The following DPYSL5 variants were observed in gnomAD, a reference collection of about 807,000 sequenced individuals.
DPYSL5 encodes dihydropyrimidinase-related protein 5.
DPYSL5 carries 9 observed loss-of-function variants against 58.4 expected under a neutral mutation model. The ratio of observed to expected loss-of-function variants is 0.15; its 90% confidence interval spans 0.09 to 0.27. The LOEUF (loss-of-function observed/expected upper bound fraction) is 0.27, where lower values mean the gene tolerates loss of function less well. DPYSL5 is among the 10% of genes least tolerant of loss of function. DPYSL5 has a pLI of 1.00. For synonymous variants in DPYSL5, 293 were observed against 301.9 expected (o/e 0.97, Z 0.31); for missense variants, 499 against 770.6 (o/e 0.65, Z 4.17).
At chr2:26,848,691 C>G (rs1488384704) in intron 1 of DPYSL5, among the ~76,000 whole-genome samples, 1 of 152,032 alleles carries the variant, frequency 6.6e-6, no homozygotes, top group Non-Finnish European at 1.5e-5. Context: ...GCGCTGTCCC[C>G]GGTCCCACAC....
rs575648160 is a variant in DPYSL5 at position 26,937,877 on chromosome 2, A to G, written c.948-2154A>G. 2.2e-3 allele frequency among the ~76,000 whole-genome samples: 337 copies of G among 151,892 alleles called. 1 individual carries two copies. The highest frequency in any genetic ancestry group is 4.8e-3 in the Admixed American group (73 of 15,248). On this transcript the variant is annotated intron_variant, in intron 8 of 12. Transcript: ENST00000288699. ...CACCCTGCACCACCGTGCCCAGCCTAATTTTTGTATTTTTTGTATTTTTTC... is the reference window on the plus strand; with the variant it reads ...CACCCTGCACCACCGTGCCCAGCCTGATTTTTGTATTTTTTGTATTTTTTC...
chr2:26,855,917 T>G (rs950246211), intron 1 of DPYSL5, among the ~76,000 whole-genome samples: 4 of 152,312 alleles, frequency 2.6e-5, no homozygotes, highest in Admixed American at 2.6e-4. Context: ...CAACCCCCAA[T>G]TTTTTCATTT....
chr2:26,895,104 T>C (rs1201218993), intron 1 of DPYSL5, among the ~76,000 whole-genome samples: 1 of 152,262 alleles, frequency 6.6e-6, no homozygotes, highest in African/African-American at 2.4e-5. Context: ...CAGTTGACCA[T>C]AGTTGTCAAG....
chr2:26,855,809 A>T (rs912866386), intron 1 of DPYSL5, among the ~76,000 whole-genome samples: 3 of 152,130 alleles, frequency 2.0e-5, no homozygotes, highest in Non-Finnish European at 4.4e-5. Context: ...GCAGAGCAAG[A>T]TCCACTATTG....
intron 1 of DPYSL5, among the ~76,000 whole-genome samples, chr2:26,879,347 A>G (rs1057397884): frequency 6.6e-6 from 1 of 150,928 alleles, no homozygotes; most frequent in African/African-American, 2.4e-5. Flanking sequence ...AGCCCAGTGC[A>G]TGGTGGCTCA....
chr2:26,946,712 C>T (rs1038930888), intron 12 of DPYSL5, among the ~76,000 whole-genome samples, 198 bp from the exon 13 acceptor site: 5 of 152,202 alleles, frequency 3.3e-5, no homozygotes, highest in African/African-American at 9.7e-5. Flanking sequence ...CAAGTCCAGG[C>T]TCTGCCACTT....
chr2:26,879,492 A>G (rs954723362), intron 1 of DPYSL5, among the ~76,000 whole-genome samples: 2 of 148,874 alleles, frequency 1.3e-5, no homozygotes, highest in African/African-American at 4.9e-5. Context: ...GCCCATTAGC[A>G]TGGTCCAGAC....
intron 1 of DPYSL5, among the ~76,000 whole-genome samples, chr2:26,864,377 C>T (rs1666092216): frequency 6.6e-6 from 1 of 152,280 alleles, no homozygotes; most frequent in Admixed American, 6.5e-5. Context: ...ACAATGCTGA[C>T]AGCATCCAGA....
At chr2:26,886,387 A>G (rs1050472404) in intron 1 of DPYSL5, among the ~76,000 whole-genome samples, 1 of 152,220 alleles carries the variant, frequency 6.6e-6, no homozygotes, top group Admixed American at 6.5e-5. Flanking sequence ...CCTGCCTTAC[A>G]TGTAGGTCAT....
Position 26,849,090 on chromosome 2 carries a change from A to T in DPYSL5, c.-5+836A>T, listed in dbSNP as rs1008928857. ...GCTGGGGAGCTGGGTTAGGACAGGT[A>T]GTGGGTCTCGGGGAGCAGGGAGTGG... On this transcript the variant is annotated intron_variant, in intron 1 of 12. Transcript: ENST00000288699. The surrounding 1 kb of genome is among the most constrained non-coding windows in gnomAD (Gnocchi z 6.2). Among the ~76,000 whole-genome samples, 1 of 129,570 alleles carries T rather than the reference A, an allele frequency of 7.7e-6. No individual in the cohort carries two copies. The highest frequency in any genetic ancestry group is 2.9e-5 in the African/African-American group (1 of 34,584). 85.0% of individuals were successfully genotyped at this position (129,570 alleles called of 152,430 possible).
chr2:26,884,732 G>A (rs1663668972), intron 1 of DPYSL5, among the ~76,000 whole-genome samples: 1 of 152,164 alleles, frequency 6.6e-6, no homozygotes, highest in African/African-American at 2.4e-5. Context: ...GCCACGTGGG[G>A]CCGGGCCAAC....
At chr2:26,932,175 G>GAA (rs1230120291) in intron 6 of DPYSL5, among the ~76,000 whole-genome samples, 1 of 71,594 alleles carries the variant, frequency 1.4e-5, no homozygotes, top group Non-Finnish European at 3.0e-5. Context: ...AAGAAAGAAA[G>GAA]AAAGAAAGAA....
chr2:26,922,096 C>T (rs1664719758), intron 2 of DPYSL5, among the ~76,000 whole-genome samples: 1 of 152,208 alleles, frequency 6.6e-6, no homozygotes, highest in African/African-American at 2.4e-5. Flanking sequence ...ACCCCACTCA[C>T]CCATTCCTAA....
Position 26,925,037 on chromosome 2 carries a change from G to A in DPYSL5, c.412G>A (p.Ala138Thr). The change falls in exon 3 of 13, where the codon GCA becomes ACA. Residue 138 changes from alanine to threonine, a missense_variant. By Grantham distance (58) the Ala-to-Thr change is moderately conservative. Coordinates refer to ENST00000288699, the MANE Select transcript of DPYSL5 (RefSeq NM_020134.4). The surrounding 1 kb of genome is among the most constrained non-coding windows in gnomAD (Gnocchi z 4.5). ...YALHVGITWWAPKVKAEMETL... is the reference protein window; with the variant it reads ...YALHVGITWWTPKVKAEMETL... ...CCTCCACGTGGGGATCACCTGGTGG[G>A]CACCCAAGGTAACAGTGCTGGTGGG... is the stretch of plus-strand genomic sequence containing the variant. 10 of 1,613,914 alleles carry A rather than the reference G, an allele frequency of 6.2e-6. No homozygotes were observed. Among genetic ancestry groups the A allele is most frequent in the South Asian group, 1.1e-5 (1 of 91,060 alleles).
At chr2:26,893,632 G>A (rs146177699) in intron 1 of DPYSL5, among the ~76,000 whole-genome samples, 259 of 152,294 alleles carry the variant, frequency 1.7e-3, no homozygotes, top group African/African-American at 5.9e-3. Flanking sequence ...CTATTTATTC[G>A]TTTATTCACC....
At chr2:26,863,053 G>A (rs1666057029) in intron 1 of DPYSL5, among the ~76,000 whole-genome samples, 2 of 152,118 alleles carry the variant, frequency 1.3e-5, no homozygotes, top group South Asian at 4.1e-4. Context: ...CAACACAGCG[G>A]GAGGAGAGGC....
chr2:26,899,212 C>T (rs1440441369), intron 2 of DPYSL5, among the ~76,000 whole-genome samples: 1 of 152,146 alleles, frequency 6.6e-6, no homozygotes, highest in Non-Finnish European at 1.5e-5. Context: ...CCTCTCCTAG[C>T]TTGCTTGTTA....
At position 26,899,494 on chromosome 2, in the gene DPYSL5, C is replaced by T. The variant is rs543558930; in HGVS notation, c.261+734C>T. 1.3e-4 allele frequency among the ~76,000 whole-genome samples: 20 copies of T among 152,328 alleles called. No homozygotes were observed. The South Asian group carries it at 1.7e-3, about 13-fold the overall frequency. On this transcript the variant is annotated intron_variant, in intron 2 of 12. Transcript: ENST00000288699. ...TTTCTATCTCATGCTGGCCTCTCCC[C>T]GGACATCAGACTGTGAGCTCCTTGA...
chr2:26,884,336 A>G (rs886891394), intron 1 of DPYSL5, among the ~76,000 whole-genome samples: 3 of 152,046 alleles, frequency 2.0e-5, no homozygotes, highest in Non-Finnish European at 4.4e-5. Context: ...ATTTACTCAC[A>G]CTTACTTTTG....
Sources: allele counts gnomAD v4.1 joint callset (sites outside exome capture counted in the v4.1 genomes callset), GRCh38; gene constraint gnomAD v4.1.1; non-coding constraint Gnocchi (gnomAD v3.1); transcripts MANE v1.5; gene names NCBI Gene and HGNC (gene_info 2026-07-23, HGNC 2026-07-21).